MTMR7: variants seen among roughly 807,000 people sequenced by gnomAD.
MTMR7 encodes phosphatidylinositol-3-phosphate phosphatase MTMR7.
Under a neutral mutation model 81.2 loss-of-function variants are expected in MTMR7, and 76 were observed. That is an observed-to-expected ratio of 0.94 (90% CI 0.78 to 1.13). The LOEUF (loss-of-function observed/expected upper bound fraction) is 1.13. Among genes scored for constraint, MTMR7 ranks in the 50% most tolerant of loss-of-function variants. The probability of loss-of-function intolerance (pLI) is 0.00; values close to 1 mark genes in which losing one functional copy is unlikely to be tolerated. For synonymous variants in MTMR7, 372 were observed against 289.8 expected (o/e 1.28, Z -2.88); for missense variants, 1,044 against 820.0 (o/e 1.27, Z -3.34).
intron 6 of MTMR7, 110 bp from the exon 7 acceptor site, chr8:17,331,392 G>A: frequency 4.3e-6 from 5 of 1,166,190 alleles, no homozygotes; most frequent in Non-Finnish European, 5.9e-6. Context: ...ATGATGTACG[G>A]AAACATAATA....
At chr8:17,379,537 C>T (rs1820696648) in intron 1 of MTMR7, among the ~76,000 whole-genome samples, 1 of 152,176 alleles carries the variant, frequency 6.6e-6, no homozygotes, top group Admixed American at 6.5e-5. Flanking sequence ...AGATGGGGAT[C>T]GCTGAGCAAA....
chr8:17,341,211 C>A, intron 6 of MTMR7, 152 bp downstream of exon 6: 2 of 935,790 alleles, frequency 2.1e-6, no homozygotes, highest in Non-Finnish European at 3.1e-6. Flanking sequence ...CAGGAAGTAG[C>A]CAGCAGGGTG....
Position 17,331,270 on chromosome 8 carries a change from C to T in MTMR7, c.745G>A (p.Ala249Thr), listed in dbSNP as rs761852406. 5 of 1,606,130 alleles carry T rather than the reference C, an allele frequency of 3.1e-6. No homozygotes were observed. Among genetic ancestry groups the T allele is most frequent in the East Asian group, 2.2e-5 (1 of 44,564 alleles). ...TAGCCTTTCCCTGCAGCACGATTTG[C>T]CATTGCATTAAGCTGCAGTGGTCAG... Reference protein sequence around the residue: ...VDTRPKLNAMANRAAGKGYEN... With the variant: ...VDTRPKLNAMTNRAAGKGYEN... The change falls in exon 7 of 14, where the codon GCA becomes ACA. Residue 249 changes from alanine to threonine, a missense_variant. By Grantham distance (58) the Ala-to-Thr change is moderately conservative. Transcript: ENST00000180173.
intron 1 of MTMR7, among the ~76,000 whole-genome samples, chr8:17,402,551 T>C (rs1416378629): frequency 6.6e-6 from 1 of 152,238 alleles, no homozygotes; most frequent in Non-Finnish European, 1.5e-5. Context: ...CTTAGCACAA[T>C]GACCTTCAGT....
chr8:17,365,164 T>G (rs1305304167), intron 3 of MTMR7, among the ~76,000 whole-genome samples: 1 of 152,218 alleles, frequency 6.6e-6, no homozygotes, highest in Admixed American at 6.5e-5. Flanking sequence ...TCCCTAATGA[T>G]TATTGAGGTT....
intron 2 of MTMR7, among the ~76,000 whole-genome samples, chr8:17,372,078 AGAG>A (rs1360534793): frequency 1.3e-5 from 2 of 151,954 alleles, no homozygotes; most frequent in South Asian, 2.1e-4. Flanking sequence ...TACTCTCTAA[AGAG>A]GAGATTAACT....
intron 4 of MTMR7, among the ~76,000 whole-genome samples, chr8:17,358,094 T>A (rs1365551479): frequency 6.6e-6 from 1 of 151,790 alleles, no homozygotes; most frequent in African/African-American, 2.4e-5. Flanking sequence ...ATACAAGATA[T>A]CTAGAACAAT....
intron 7 of MTMR7, among the ~76,000 whole-genome samples, chr8:17,321,641 A>G (rs1304753370): frequency 6.6e-6 from 1 of 152,350 alleles, no homozygotes; most frequent in East Asian, 1.9e-4. Flanking sequence ...AACTCAGGAT[A>G]AGGCAGAAAT....
rs767648279 is a variant in MTMR7 at position 17,361,098 on chromosome 8, T to C, written c.468+19A>G. The C allele has an allele frequency of 1.9e-6, 3 of 1,613,666 alleles. No homozygotes were observed. Among genetic ancestry groups the C allele is most frequent in the African/African-American group, 2.7e-5 (2 of 75,022 alleles). On this transcript the variant is annotated intron_variant, in intron 4 of 13. Coordinates refer to ENST00000180173, the MANE Select transcript of MTMR7 (RefSeq NM_004686.5). ...CCCTAATTTCATGCGGCTTCAGTGT[T>C]TGGGTTTCACGCACTCACTCTGTAG...
chr8:17,336,551 C>T (rs1819242655), intron 6 of MTMR7, among the ~76,000 whole-genome samples: 1 of 152,192 alleles, frequency 6.6e-6, no homozygotes, highest in Admixed American at 6.5e-5. Context: ...CGAGTAGGAA[C>T]CACCTACTCA....
At chr8:17,367,847 C>T (rs1196670159) in intron 3 of MTMR7, among the ~76,000 whole-genome samples, 5 of 150,194 alleles carry the variant, frequency 3.3e-5, no homozygotes, top group African/African-American at 1.2e-4. Context: ...CCTTCGCATT[C>T]TGCTGATGCT....
rs1358865401 is a variant in MTMR7 at position 17,348,025 on chromosome 8, G to C, written c.597+928C>G. Among the ~76,000 whole-genome samples, 4 of 152,288 alleles carry C rather than the reference G, an allele frequency of 2.6e-5. No homozygotes were observed. In the East Asian group the frequency reaches 7.7e-4, roughly 29 times the overall value. The stretch of plus-strand genomic sequence containing the variant: ...AGGAGCTTGAGTACCTGAAGGCTAA[G>C]TGGGGTGGGGCCAGGCTACCAGGCT... On this transcript the variant is annotated intron_variant, in intron 5 of 13. Coordinates refer to ENST00000180173, the MANE Select transcript of MTMR7 (RefSeq NM_004686.5).
At chr8:17,376,484 C>T (rs1269219370) in intron 1 of MTMR7, among the ~76,000 whole-genome samples, 1 of 152,166 alleles carries the variant, frequency 6.6e-6, no homozygotes, top group Non-Finnish European at 1.5e-5. Flanking sequence ...TTTGGTAAGT[C>T]ATATAGTAAG....
chr8:17,349,337 T>A, intron 4 of MTMR7: 2 of 330,138 alleles, frequency 6.1e-6, no homozygotes, highest in Non-Finnish European at 1.1e-5. Flanking sequence ...CTCCAAGGGC[T>A]CTTTGTGCAA....
chr8:17,330,468 C>G (rs113447637), intron 7 of MTMR7, among the ~76,000 whole-genome samples: 2,285 of 152,356 alleles, frequency 0.015, 56 homozygotes, highest in African/African-American at 0.052. Context: ...ACTGTGATCA[C>G]AAGGAGCAGA....
chr8:17,404,166 C>G (rs1356917496), intron 1 of MTMR7, among the ~76,000 whole-genome samples: 2 of 151,852 alleles, frequency 1.3e-5, no homozygotes, highest in Non-Finnish European at 2.9e-5. Context: ...GGGGACCAGG[C>G]AAGAGTTGAC....
At chr8:17,312,147 A>G (rs1050678474) in intron 8 of MTMR7, among the ~76,000 whole-genome samples, 6 of 152,386 alleles carry the variant, frequency 3.9e-5, no homozygotes, top group South Asian at 4.1e-4. Flanking sequence ...TAAGAAAAGA[A>G]TATCTATTTG....
At chr8:17,337,362 C>CAAA (rs1554511150) in intron 6 of MTMR7, among the ~76,000 whole-genome samples, 5 of 89,658 alleles carry the variant, frequency 5.6e-5, no homozygotes, top group Admixed American at 1.2e-4. Flanking sequence ...AACTCCGTCC[C>CAAA]AAAAAAAAAA....
chr8:17,373,012 G>T, intron 2 of MTMR7, 106 bp downstream of exon 2: 1 of 1,363,498 alleles, frequency 7.3e-7, no homozygotes, highest in Non-Finnish European at 1.0e-6. Flanking sequence ...CAACATCCAG[G>T]CACAAAAGCC....
Sources: gnomAD v4.1 joint callset for allele counts (sites outside exome capture counted in the v4.1 genomes callset) on GRCh38, gnomAD v4.1.1 for gene constraint, MANE v1.5 for transcripts, NCBI Gene and HGNC (gene_info 2026-07-23, HGNC 2026-07-21) for gene names.